The following CTNNA2 variants were observed in gnomAD, a reference collection of about 807,000 sequenced individuals.
CTNNA2 encodes the protein catenin alpha 2, also known as catenin alpha-2.
In CTNNA2, 42 loss-of-function variants were observed where a neutral mutation model predicts 101.0. The ratio of observed to expected loss-of-function variants is 0.42; its 90% CI spans 0.32 to 0.54. The LOEUF is 0.54. Ranked by LOEUF, CTNNA2 falls within the 20% of genes least tolerant of loss-of-function variation. The pLI, the probability that CTNNA2 is intolerant of heterozygous loss-of-function variation, is 0.14. For synonymous variants in CTNNA2, 450 were observed against 456.4 expected (o/e 0.99, Z 0.18); for missense variants, 871 against 1,223.1 (o/e 0.71, Z 4.29).
chr2:80,469,686 G>A (rs1260037546), intron 9 of CTNNA2, among the ~76,000 whole-genome samples: 2 of 152,126 alleles, frequency 1.3e-5, no homozygotes, highest in Non-Finnish European at 2.9e-5. Context: ...TCTGTCTGTT[G>A]GACCTTTGGG....
intron 3 of CTNNA2, among the ~76,000 whole-genome samples, chr2:79,748,838 G>A (rs1671812095): frequency 6.6e-6 from 1 of 151,994 alleles, no homozygotes; most frequent in Admixed American, 6.6e-5. Flanking sequence ...TATTCCAGTA[G>A]AAGATTTCCC....
chr2:80,491,940 C>G (rs558280580), intron 9 of CTNNA2, among the ~76,000 whole-genome samples: 1 of 152,080 alleles, frequency 6.6e-6, no homozygotes, highest in Non-Finnish European at 1.5e-5. Context: ...GGGTATCCAC[C>G]GTCCATGGGA....
intron 3 of CTNNA2, among the ~76,000 whole-genome samples, chr2:79,794,293 T>A (rs191070570): frequency 4.1e-3 from 625 of 152,328 alleles, no homozygotes; most frequent in Non-Finnish European, 6.1e-3. Flanking sequence ...GCAAAAGTAA[T>A]TGTGGTTTTT....
intron 7 of CTNNA2, among the ~76,000 whole-genome samples, chr2:80,280,926 A>G (rs141865129): frequency 5.3e-4 from 81 of 152,278 alleles, no homozygotes; most frequent in African/African-American, 1.8e-3. Flanking sequence ...ACTCCTGCCA[A>G]TAAGGGAGAG....
At chr2:80,596,892 T>G (rs1017507620) in intron 15 of CTNNA2, among the ~76,000 whole-genome samples, 1 of 152,158 alleles carries the variant, frequency 6.6e-6, no homozygotes, top group African/African-American at 2.4e-5. Context: ...CATCAATGCC[T>G]AGTTTGTTAA....
In CTNNA2 at chr2:80,600,437, A is replaced by G. The variant is rs528518865; in HGVS notation, c.2190-3637A>G. On this transcript the variant is annotated intron_variant, in intron 15 of 18. Transcript: ENST00000402739. ...ACCTAACATATAGACCAAGACTAGG[A>G]GTAATTTGCAGTATAACAAAAGATC... Among the ~76,000 whole-genome samples, 22 of 152,148 alleles carry G rather than the reference A, an allele frequency of 1.4e-4. 1 individual carries two copies. The East Asian group carries it at 4.1e-3, about 28-fold the overall frequency.
At chr2:79,434,208 G>C (rs1678688422) in intron 4 of CTNNA2, among the ~76,000 whole-genome samples, 1 of 151,274 alleles carries the variant, frequency 6.6e-6, no homozygotes, top group South Asian at 2.1e-4. Flanking sequence ...TGAGGTAGGA[G>C]GATCACCTGA....
chr2:79,284,369 C>A (rs1284703042), intron 2 of CTNNA2, among the ~76,000 whole-genome samples: 1 of 118,522 alleles, frequency 8.4e-6, no homozygotes, highest in African/African-American at 3.3e-5. Flanking sequence ...CAGTTTTTGC[C>A]CATTCAGTAT....
At position 79,415,496 on chromosome 2, in the gene CTNNA2, T is replaced by A. The variant is rs968926164; in HGVS notation, c.-135+41483T>A. On this transcript the variant is annotated intron_variant, in intron 4 of 21. Coordinates refer to the CTNNA2 transcript ENST00000466387. ...TGATTTGATCTTGAAACACCTATTTTATTAAGCACCTAATTCACATCTCTA... is the reference window on the plus strand; with the variant it reads ...TGATTTGATCTTGAAACACCTATTTAATTAAGCACCTAATTCACATCTCTA... 1.4e-4 allele frequency among the ~76,000 whole-genome samples: 21 copies of A among 152,324 alleles called. No homozygotes were observed. In the East Asian group the frequency reaches 4.1e-3, roughly 29 times the overall value.
chr2:79,584,112 T>C (rs1407081811), intron 1 of CTNNA2, among the ~76,000 whole-genome samples: 1 of 152,184 alleles, frequency 6.6e-6, no homozygotes, highest in Non-Finnish European at 1.5e-5. Context: ...GTCAACTCTT[T>C]ATCTAGTTAC....
chr2:80,341,696 A>T (rs1163948710), intron 7 of CTNNA2, among the ~76,000 whole-genome samples: 6 of 152,206 alleles, frequency 3.9e-5, no homozygotes, highest in African/African-American at 1.4e-4. Flanking sequence ...ACTTTGCAAA[A>T]TAGTTCGGTA....
intron 7 of CTNNA2, among the ~76,000 whole-genome samples, chr2:80,062,985 G>A (rs967651087): frequency 1.3e-5 from 2 of 152,158 alleles, no homozygotes; most frequent in African/African-American, 2.4e-5. Context: ...GATTACAGGC[G>A]TGAGCCACCG....
chr2:79,853,581 G>A (rs1005621903), intron 3 of CTNNA2, among the ~76,000 whole-genome samples: 1 of 151,858 alleles, frequency 6.6e-6, no homozygotes, highest in Admixed American at 6.6e-5. Flanking sequence ...TGCCATTTTG[G>A]TTCATGACCT....
chr2:79,803,491 T>G (rs906378597), intron 3 of CTNNA2, among the ~76,000 whole-genome samples: 1 of 152,256 alleles, frequency 6.6e-6, no homozygotes, highest in South Asian at 2.1e-4. Context: ...GTTGGGCTAG[T>G]TAACTGCAGC....
chr2:80,324,221 CAA>C (rs1324890694), intron 7 of CTNNA2, among the ~76,000 whole-genome samples: 1 of 152,144 alleles, frequency 6.6e-6, no homozygotes, highest in African/African-American at 2.4e-5. Context: ...AGAACCTCTC[CAA>C]AGTTAGGTGA....
intron 1 of CTNNA2, among the ~76,000 whole-genome samples, chr2:79,603,687 T>C (rs1380016775): frequency 6.6e-6 from 1 of 152,126 alleles, no homozygotes; most frequent in Admixed American, 6.6e-5. Flanking sequence ...AGACTGATAG[T>C]GTAAGTACAT....
intron 1 of CTNNA2, among the ~76,000 whole-genome samples, chr2:79,190,324 G>A (rs1673836784): frequency 6.6e-6 from 1 of 151,978 alleles, no homozygotes; most frequent in Admixed American, 6.6e-5. Context: ...TTGAAGCTTA[G>A]TTCCCTGTAG....
At chr2:79,645,413 A>G (rs1680749212) in intron 1 of CTNNA2, among the ~76,000 whole-genome samples, 1 of 152,190 alleles carries the variant, frequency 6.6e-6, no homozygotes, top group Non-Finnish European at 1.5e-5. Context: ...GGAAAAAGCA[A>G]TTTAATGTAC....
chr2:80,247,795 G>A (rs1378752782), intron 7 of CTNNA2, among the ~76,000 whole-genome samples: 1 of 152,062 alleles, frequency 6.6e-6, no homozygotes, highest in Non-Finnish European at 1.5e-5. Context: ...GATTATGTAG[G>A]TGGATATCCA....
Sources: gnomAD v4.1 joint callset for allele counts (sites outside exome capture counted in the v4.1 genomes callset) on GRCh38, gnomAD v4.1.1 for gene constraint, MANE v1.5 for transcripts, NCBI Gene and HGNC (gene_info 2026-07-23, HGNC 2026-07-21) for gene names.